Variants in LRBA observed in about 807,000 individuals in gnomAD.
LRBA encodes the protein LPS responsive beige-like anchor protein.
In LRBA, 176 loss-of-function variants were observed where a neutral mutation model predicts 330.0. The ratio of observed to expected loss-of-function variants is 0.53; its 90% CI spans 0.47 to 0.60. The LOEUF (loss-of-function observed/expected upper bound fraction) is 0.60. LRBA is among the 20% of genes least tolerant of loss of function. The pLI is 0.00. For missense variants in LRBA, 3,259 were observed against 3,444.8 expected, an observed-to-expected ratio of 0.95 and a Z score of 1.35; for synonymous variants, 1,230 against 1,193.0, an observed-to-expected ratio of 1.03 and a Z score of -0.64.
intron 47 of LRBA, among the ~76,000 whole-genome samples, chr4:150,361,192 C>G (rs1396303954): frequency 6.6e-6 from 1 of 152,164 alleles, no homozygotes; most frequent in Non-Finnish European, 1.5e-5. Flanking sequence ...TTTTTAACAT[C>G]TACAATAACA....
chr4:150,371,193 T>C (rs1010491912), intron 47 of LRBA, among the ~76,000 whole-genome samples: 1 of 132,752 alleles, frequency 7.5e-6, no homozygotes, highest in African/African-American at 3.0e-5. Context: ...TTTTTTTTTT[T>C]TTTTTTTTTT....
intron 36 of LRBA, among the ~76,000 whole-genome samples, chr4:150,716,418 A>C (rs1413920894): frequency 6.6e-6 from 1 of 152,188 alleles, no homozygotes; most frequent in Non-Finnish European, 1.5e-5. Context: ...AGGGTAAAAA[A>C]TAGGTATGAC....
intron 37 of LRBA, among the ~76,000 whole-genome samples, chr4:150,655,756 G>A (rs1780120859): frequency 6.6e-6 from 1 of 152,124 alleles, no homozygotes; most frequent in Non-Finnish European, 1.5e-5. Context: ...CAATGGAAAT[G>A]AAAAATAATT....
intron 2 of LRBA, among the ~76,000 whole-genome samples, chr4:150,982,910 A>C (rs763899627): frequency 6.6e-6 from 1 of 152,198 alleles, no homozygotes; most frequent in Non-Finnish European, 1.5e-5. Flanking sequence ...GCAGAACTGG[A>C]AAGTGGGAGA....
At position 150,583,020 on chromosome 4, in the gene LRBA, G is replaced by A. The variant is rs1368455394; in HGVS notation, c.6330+5028C>T. On this transcript the variant is annotated intron_variant, in intron 40 of 56. Transcript: ENST00000651943. This position sits in a 1 kb window ranked among gnomAD's most constrained non-coding sequence, Gnocchi z 9.8. ...AGACGCCGGTGTATAGCCCGGACCTGTGCCCCAACATGATCGCCGCTCAGG... is the reference window on the plus strand; with the variant it reads ...AGACGCCGGTGTATAGCCCGGACCTATGCCCCAACATGATCGCCGCTCAGG... 6.3e-7 allele frequency: 1 copy of A among 1,580,324 alleles called. No individual in the cohort carries two copies. Among genetic ancestry groups the A allele is most frequent in the South Asian group, 1.2e-5 (1 of 85,588 alleles).
intron 37 of LRBA, among the ~76,000 whole-genome samples, chr4:150,617,183 G>C (rs1303291928): frequency 6.6e-6 from 1 of 152,112 alleles, no homozygotes; most frequent in African/African-American, 2.4e-5. Context: ...CTAACAAGCA[G>C]CAATACTATC....
intron 47 of LRBA, among the ~76,000 whole-genome samples, chr4:150,360,598 A>C (rs561651835): frequency 6.6e-6 from 1 of 152,336 alleles, no homozygotes; most frequent in African/African-American, 2.4e-5. Context: ...ACAAGACAGA[A>C]TGCAGGAGTT....
chr4:150,865,721 T>C (rs1313456591), intron 22 of LRBA, among the ~76,000 whole-genome samples: 2 of 150,810 alleles, frequency 1.3e-5, no homozygotes, highest in Non-Finnish European at 3.0e-5. Context: ...TATATTCTTT[T>C]TTTTTTTTTT....
intron 2 of LRBA, among the ~76,000 whole-genome samples, chr4:150,933,798 C>T (rs2149516085): frequency 6.6e-6 from 1 of 151,990 alleles, no homozygotes; most frequent in Admixed American, 6.5e-5. Context: ...ATCAGTTGCA[C>T]TCAGAGAGTT....
At chr4:150,912,633 G>A (rs1018479680) in intron 9 of LRBA, among the ~76,000 whole-genome samples, 3 of 152,164 alleles carry the variant, frequency 2.0e-5, no homozygotes, top group Admixed American at 2.0e-4. Flanking sequence ...CGTGGTCCAT[G>A]GAAAAACTGT....
At chr4:150,953,966 GCC>G (rs1737185212) in intron 2 of LRBA, among the ~76,000 whole-genome samples, 2 of 6,984 alleles carry the variant, frequency 2.9e-4, no homozygotes, top group Non-Finnish European at 6.3e-4. Flanking sequence ...GAGCGCCTCT[GCC>G]CCGCCACCCC....
chr4:150,804,708 C>A (rs113091648), intron 33 of LRBA, among the ~76,000 whole-genome samples: 1 of 152,104 alleles, frequency 6.6e-6, no homozygotes, highest in South Asian at 2.1e-4. Context: ...CCATCAATCA[C>A]GGGCCCAAAA....
chr4:150,376,316 A>G (rs1445957060), intron 47 of LRBA, among the ~76,000 whole-genome samples: 8 of 152,186 alleles, frequency 5.3e-5, no homozygotes, highest in Non-Finnish European at 8.8e-5. Context: ...TGAAATCCCT[A>G]TAACTAAAAA....
At chr4:150,932,920 C>CA (rs941734565) in intron 2 of LRBA, among the ~76,000 whole-genome samples, 19 of 149,320 alleles carry the variant, frequency 1.3e-4, no homozygotes, top group African/African-American at 3.5e-4. Flanking sequence ...TGTCTCAAAA[C>CA]AAAAAAAAGA....
At chr4:150,763,608 G>A (rs550571504) in intron 34 of LRBA, among the ~76,000 whole-genome samples, 1 of 151,878 alleles carries the variant, frequency 6.6e-6, no homozygotes, top group African/African-American at 2.4e-5. Context: ...TTGAGAGAAG[G>A]GCATGTGCCA....
intron 22 of LRBA, among the ~76,000 whole-genome samples, chr4:150,863,045 C>A (rs1280036586): frequency 6.6e-6 from 1 of 152,016 alleles, no homozygotes; most frequent in Non-Finnish European, 1.5e-5. Flanking sequence ...TGCTTATAAT[C>A]CCAGCACTTT....
chr4:150,822,757 T>TA (rs1745643728), intron 30 of LRBA, among the ~76,000 whole-genome samples: 3 of 151,912 alleles, frequency 2.0e-5, no homozygotes, highest in Non-Finnish European at 4.4e-5. Context: ...GTCTCAAAAA[T>TA]AAAATAAATA....
At chr4:150,998,941 T>C (rs1404610240) in intron 2 of LRBA, among the ~76,000 whole-genome samples, 2 of 152,222 alleles carry the variant, frequency 1.3e-5, no homozygotes, top group Non-Finnish European at 2.9e-5. Flanking sequence ...CCTAAGTTGG[T>C]CCTATATTTA....
At chr4:150,578,536 A>T (rs532594690) in intron 40 of LRBA, among the ~76,000 whole-genome samples, 1 of 152,350 alleles carries the variant, frequency 6.6e-6, no homozygotes, top group South Asian at 2.1e-4. Context: ...TAAAAATAGG[A>T]TGTAATGAGT....
Sources: allele counts gnomAD v4.1 joint callset (sites outside exome capture counted in the v4.1 genomes callset), GRCh38; gene constraint gnomAD v4.1.1; non-coding constraint Gnocchi (gnomAD v3.1); transcripts MANE v1.5; gene names NCBI Gene and HGNC (gene_info 2026-07-23, HGNC 2026-07-21).